Variants in CWC25 observed in about 807,000 individuals in gnomAD.
CWC25 encodes pre-mRNA-splicing factor CWC25 homolog.
A neutral mutation model predicts 54.6 loss-of-function variants in CWC25; 31 were observed. The ratio of observed to expected loss-of-function variants is 0.57; its 90% CI spans 0.43 to 0.77. CWC25 has a LOEUF of 0.77. Ranked by LOEUF, CWC25 falls within the 30% of genes least tolerant of loss-of-function variation. The probability of loss-of-function intolerance (pLI) is 0.00; values close to 1 mark genes in which losing one functional copy is unlikely to be tolerated. For synonymous variants in CWC25, 151 were observed against 187.0 expected, an observed-to-expected ratio of 0.81 and a Z score of 1.57; for missense variants, 453 against 529.3, an observed-to-expected ratio of 0.86 and a Z score of 1.41.
intron 8 of CWC25, among the ~76,000 whole-genome samples, chr17:38,806,048 G>C (rs180772262): frequency 4.6e-5 from 7 of 152,218 alleles, no homozygotes; most frequent in African/African-American, 1.4e-4. Context: ...CTGACCTCAG[G>C]TGATCCACCC....
At chr17:38,819,991 G>A (rs1271579329) in intron 2 of CWC25, among the ~76,000 whole-genome samples, 3 of 151,988 alleles carry the variant, frequency 2.0e-5, no homozygotes, top group Non-Finnish European at 4.4e-5. Flanking sequence ...CTATTGTTTT[G>A]TAGAGATGGG....
At chr17:38,815,349 A>T (rs1395780766) in intron 2 of CWC25, among the ~76,000 whole-genome samples, 1 of 152,144 alleles carries the variant, frequency 6.6e-6, no homozygotes, top group East Asian at 1.9e-4. Flanking sequence ...TGAGGTCAGG[A>T]GTTCGAGACC....
Position 38,802,096 on chromosome 17 carries a change from C to CT in CWC25, c.1273dup (p.Arg425LysfsTer48). The CT allele has an allele frequency of 6.2e-7, 1 of 1,604,196 alleles. No homozygotes were observed. On this transcript the variant is annotated frameshift_variant, in exon 10 of 10. Coordinates refer to ENST00000614790, the MANE Select transcript of CWC25 (RefSeq NM_017748.5). LOFTEE classifies it high-confidence loss of function. ...CAATAAGAGAGGGGACAGTTTTCATCTTTTCATAAAGTTCTTCTCCAGAGC... is the reference window on the plus strand; with the variant it reads ...CAATAAGAGAGGGGACAGTTTTCATCTTTTTCATAAAGTTCTTCTCCAGAGC...
rs751908842 is a variant in CWC25, at chr17:38,814,894, C to A, written c.395G>T (p.Ser132Ile). ...SGANSLLDMA[S>I]KIREDPLFII... is the part of the protein sequence containing the mutation. ...GAAGAGTGGGTCCTCCCGGATCTTG[C>A]TGGCCATGTCAAGAAGGGAATTGGC... is the stretch of plus-strand genomic sequence containing the variant. Residue 132 changes from serine (S) to isoleucine (I), a missense_variant, in exon 3 of 10, where the codon AGC becomes ATC. By Grantham distance (142) the Ser-to-Ile change is moderately radical. Around this residue, in one of 2 missense-constraint regions of CWC25, gnomAD observed 444 missense variants for 499.2 expected, o/e 0.89. Transcript: ENST00000614790. 2 of 1,613,700 alleles carry A rather than the reference C, an allele frequency of 1.2e-6. No individual in the cohort carries two copies. The highest frequency in any genetic ancestry group is 2.2e-5 in the South Asian group (2 of 91,078).
intron 2 of CWC25, 85 bp from the exon 3 acceptor site, chr17:38,815,182 G>T: frequency 8.4e-7 from 1 of 1,196,152 alleles, no homozygotes; most frequent in Non-Finnish European, 1.2e-6. Flanking sequence ...ACACAAGGGA[G>T]AGAGAACCAC....
Position 38,802,836 on chromosome 17 carries a change from G to C in CWC25, c.1027C>G (p.Arg343Gly), listed in dbSNP as rs760543725. The change falls in exon 9 of 10, where the codon CGA becomes GGA. Residue 343 changes from arginine to glycine, a missense_variant. By Grantham distance (125) the Arg-to-Gly change is moderately radical (BLOSUM62 -2). This residue lies in a region of CWC25 where 444 missense variants were observed against 499.2 expected (regional missense o/e 0.89). Coordinates refer to ENST00000614790, the MANE Select transcript of CWC25 (RefSeq NM_017748.5). ...TTTTCCATCATCTCTTGCCGTTTTCGCTCTAATTCCTCTGCAGAGAGTTTT... is the reference window on the plus strand; with the variant it reads ...TTTTCCATCATCTCTTGCCGTTTTCCCTCTAATTCCTCTGCAGAGAGTTTT... ...TRKLSAEELE[R>G]KRQEMMENAK... The C allele has an allele frequency of 1.2e-6, 2 of 1,613,710 alleles. No individual in the cohort carries two copies. The highest frequency in any genetic ancestry group is 1.7e-6 in the Non-Finnish European group (2 of 1,179,856).
intron 6 of CWC25, 79 bp from the exon 7 acceptor site, chr17:38,807,055 C>T: frequency 1.7e-6 from 2 of 1,152,170 alleles, no homozygotes; most frequent in South Asian, 2.8e-5. Flanking sequence ...GGCTCAGTGG[C>T]TCACGCCTGT....
At chr17:38,805,556 CT>C (rs1164103320) in intron 8 of CWC25, among the ~76,000 whole-genome samples, 1 of 152,124 alleles carries the variant, frequency 6.6e-6, no homozygotes, top group Non-Finnish European at 1.5e-5. Flanking sequence ...TCAAGCGATC[CT>C]CCTGCCTTGG....
At position 38,810,448 on chromosome 17, in the gene CWC25, G is replaced by T. The variant is rs3744073; in HGVS notation, c.626+20C>A. 0.074 allele frequency: 113,258 copies of T among 1,526,486 alleles called. 6,423 individuals carry two copies. Among genetic ancestry groups the T allele is most frequent in the East Asian group, 0.35 (15,115 of 42,778 alleles). 94.6% of individuals were successfully genotyped at this position (1,526,486 alleles called of 1,614,324 possible). Reference sequence around the variant, plus strand: ...AGCAAGTGAATCAACGAGAAGGGAGGCCAGTCGCCACATGCTCACCTCCCT... The same window carrying T: ...AGCAAGTGAATCAACGAGAAGGGAGTCCAGTCGCCACATGCTCACCTCCCT... On this transcript the variant is annotated intron_variant, in intron 5 of 9. Transcript: ENST00000614790.
At chr17:38,802,883 C>A (rs757870118) in intron 8 of CWC25, 22 bp from the exon 9 acceptor site, 5 of 1,613,020 alleles carry the variant, frequency 3.1e-6, no homozygotes, top group Non-Finnish European at 4.2e-6. Flanking sequence ...AGAAACCATA[C>A]GATCAGGTCT....
chr17:38,810,973 G>T, intron 4 of CWC25, among the ~76,000 whole-genome samples: 1 of 145,514 alleles, frequency 6.9e-6, no homozygotes, highest in Non-Finnish European at 1.5e-5. Flanking sequence ...GCTCACGCCT[G>T]TAATCTCTCA....
chr17:38,818,282 T>C (rs1267438789), intron 2 of CWC25, among the ~76,000 whole-genome samples: 1 of 135,286 alleles, frequency 7.4e-6, no homozygotes, highest in Non-Finnish European at 1.6e-5. Flanking sequence ...TCTCAAAAAA[T>C]AAAATAAAAT....
intron 1 of CWC25, among the ~76,000 whole-genome samples, chr17:38,823,157 A>G (rs1410754964): frequency 1.4e-5 from 2 of 138,014 alleles, no homozygotes; most frequent in Middle Eastern, 3.9e-3. Context: ...CTTTTTTTTT[A>G]ACTTTTTTTT....
intron 2 of CWC25, 136 bp from the exon 3 acceptor site, chr17:38,815,233 A>G (rs764553124): frequency 1.2e-5 from 9 of 752,478 alleles, no homozygotes; most frequent in Middle Eastern, 3.8e-4. Context: ...ACCATGCAAT[A>G]AACACGGCAC....
intron 4 of CWC25, among the ~76,000 whole-genome samples, chr17:38,812,218 T>C (rs1372447621): frequency 6.6e-6 from 1 of 152,068 alleles, no homozygotes; most frequent in East Asian, 1.9e-4. Context: ...ATTACAGGCA[T>C]GAGCCACCGC....
At position 38,825,289 on chromosome 17, in the gene CWC25, G is replaced by A; in HGVS notation, c.-106C>T. 2 of 1,272,900 alleles carry A rather than the reference G, an allele frequency of 1.6e-6. No homozygotes were observed. Among genetic ancestry groups the A allele is most frequent in the Admixed American group, 2.6e-5 (1 of 38,972 alleles). The allele number at this position is 1,272,900 out of a possible 1,614,324, so 78.9% of individuals were successfully genotyped here. A position where few individuals can be genotyped will look rare whatever the true frequency, so the allele number is the denominator to read the frequency against. On this transcript the variant is annotated 5_prime_UTR_variant, in exon 1 of 10. Coordinates refer to ENST00000614790, the MANE Select transcript of CWC25 (RefSeq NM_017748.5). ...GGCTACCTCGCGGGATCTAGTCCCA[G>A]GAGCCGTCAACTGCCAGTTTCACCA... is the stretch of plus-strand genomic sequence containing the variant.
intron 2 of CWC25, among the ~76,000 whole-genome samples, chr17:38,818,486 G>A (rs2143594505): frequency 6.7e-6 from 1 of 148,596 alleles, no homozygotes; most frequent in Admixed American, 6.9e-5. Flanking sequence ...CAGCTACTCA[G>A]GAGGCTGAGG....
chr17:38,814,462 T>C (rs1005007175), intron 3 of CWC25, among the ~76,000 whole-genome samples: 1 of 150,458 alleles, frequency 6.6e-6, no homozygotes, highest in African/African-American at 2.4e-5. Flanking sequence ...GAAAATAGGC[T>C]GGGCGTGGTG....
rs1042250455 is a variant in CWC25, at chr17:38,825,263, G to C, written c.-80C>G. ...GAGAAAACGTAGAGAAATAGTTCGG[G>C]GGCTACCTCGCGGGATCTAGTCCCA... On this transcript the variant is annotated 5_prime_UTR_variant, in exon 1 of 10. Transcript: ENST00000614790. The C allele has an allele frequency of 3.4e-6, 5 of 1,461,232 alleles. No homozygotes were observed. The highest frequency in any genetic ancestry group is 4.6e-6 in the Non-Finnish European group (5 of 1,079,890). 90.5% of individuals were successfully genotyped at this position (1,461,232 alleles called of 1,614,324 possible).
Sources: gnomAD v4.1 joint callset for allele counts (sites outside exome capture counted in the v4.1 genomes callset) on GRCh38, gnomAD v4.1.1 for gene constraint, gnomAD v4.1.1 regional missense constraint, MANE v1.5 for transcripts, NCBI Gene and HGNC (gene_info 2026-07-23, HGNC 2026-07-21) for gene names.